Variants in SIPA1L1 observed in about 807,000 individuals in gnomAD.
The protein encoded by SIPA1L1 is signal induced proliferation associated 1 like 1.
A neutral mutation model predicts 162.7 loss-of-function variants in SIPA1L1; 26 were observed. The observed-to-expected ratio is 0.16, with a 90% CI of 0.12 to 0.22. The LOEUF is 0.22. Ranked by LOEUF, SIPA1L1 falls within the 10% of genes least tolerant of loss-of-function variation. The pLI, the probability that SIPA1L1 is intolerant of heterozygous loss-of-function variation, is 1.00. For missense variants in SIPA1L1, 1,874 were observed against 2,241.0 expected (o/e 0.84, Z 3.31); for synonymous variants, 829 against 837.4 (o/e 0.99, Z 0.17).
At chr14:71,469,082 T>A (rs548822068) in intron 2 of SIPA1L1, among the ~76,000 whole-genome samples, 2 of 151,956 alleles carry the variant, frequency 1.3e-5, no homozygotes, top group South Asian at 2.1e-4. Context: ...TCTGGAATGC[T>A]CTCTTCTTAA....
rs2053214264 is a variant in SIPA1L1, at chr14:71,529,385, A to G, written c.-303+15A>G. 1 of 650,878 alleles carries G rather than the reference A, an allele frequency of 1.5e-6. No individual in the cohort carries two copies. The highest frequency in any genetic ancestry group is 1.8e-5 in the South Asian group (1 of 57,124). The allele number at this position is 650,878 out of a possible 1,614,324, so 40.3% of individuals were successfully genotyped here. A position where few individuals can be genotyped will look rare whatever the true frequency, so the allele number is the denominator to read the frequency against. On this transcript the variant is annotated intron_variant, in intron 4 of 23. Coordinates refer to ENST00000381232, the MANE Select transcript of SIPA1L1 (RefSeq NM_001386936.1). ...ACAAGAATATAGTAAGTACTATGCC[A>G]TACTTCCTATGACCTACCTGCTTTA...
intron 4 of SIPA1L1, among the ~76,000 whole-genome samples, chr14:71,549,405 A>G (rs550735591): frequency 7.0e-4 from 106 of 152,188 alleles, no homozygotes; most frequent in African/African-American, 2.4e-3. Context: ...TATGTGAACC[A>G]AGTAATTCTG....
At chr14:71,354,462 A>AG (rs1298693167) in intron 2 of SIPA1L1, among the ~76,000 whole-genome samples, 5 of 151,704 alleles carry the variant, frequency 3.3e-5, no homozygotes, top group South Asian at 2.1e-4. Flanking sequence ...ATTTTTGTAG[A>AG]GGGGGGGTTT....
intron 2 of SIPA1L1, among the ~76,000 whole-genome samples, chr14:71,449,350 G>GT (rs2045643584): frequency 6.6e-6 from 1 of 152,146 alleles, no homozygotes; most frequent in African/African-American, 2.4e-5. Context: ...TTGGGCTTTT[G>GT]TTTTTTTCTC....
At chr14:71,670,995 C>CTT in intron 10 of SIPA1L1, 124 bp from the exon 11 acceptor site, 1 of 754,212 alleles carries the variant, frequency 1.3e-6, no homozygotes. Flanking sequence ...TGTTGTTTCT[C>CTT]ATGGAAAAAT....
rs762546142 is a variant in SIPA1L1, at chr14:71,685,555, G to T, written c.3298G>T (p.Gly1100Trp). The change falls in exon 13 of 24, where the codon GGG becomes TGG. Residue 1100 changes from glycine to tryptophan, a missense_variant. By Grantham distance (184) the Gly-to-Trp change is radical. Around this residue, in one of 5 missense-constraint regions of SIPA1L1, gnomAD observed 936 missense variants for 1,051.9 expected, o/e 0.89. Transcript: ENST00000381232. ...GCGGCTGAATGCTGGAAAAGGAGATGGGAAGATGCCTCCTCCAGAAAGAGC... is the reference window on the plus strand; with the variant it reads ...GCGGCTGAATGCTGGAAAAGGAGATTGGAAGATGCCTCCTCCAGAAAGAGC... The part of the protein sequence containing the change: ...TSRLNAGKGD[G>W]KMPPPERAAN... 1 of 1,614,040 alleles carries T rather than the reference G, an allele frequency of 6.2e-7. No individual in the cohort carries two copies.
At chr14:71,326,263 C>CA (rs1170794778) in intron 2 of SIPA1L1, among the ~76,000 whole-genome samples, 2 of 150,038 alleles carry the variant, frequency 1.3e-5, no homozygotes, top group African/African-American at 4.9e-5. Flanking sequence ...GGCTGGAGTG[C>CA]AGTGGCATGA....
chr14:71,407,014 G>A (rs2042071881), intron 2 of SIPA1L1, among the ~76,000 whole-genome samples: 1 of 152,164 alleles, frequency 6.6e-6, no homozygotes, highest in East Asian at 1.9e-4. Context: ...AGCCCAGGCA[G>A]CCAGATCACC....
chr14:71,361,945 G>C (rs1454455376), intron 2 of SIPA1L1, among the ~76,000 whole-genome samples: 1 of 152,210 alleles, frequency 6.6e-6, no homozygotes, highest in Non-Finnish European at 1.5e-5. Flanking sequence ...TCAGTTAAAT[G>C]CGTCACACTA....
In SIPA1L1 at chr14:71,457,888, TGCCCGGCCTGC is replaced by T. The variant is rs75513729; in HGVS notation, c.-464-54854_-464-54844del. 4.3e-3 allele frequency among the ~76,000 whole-genome samples: 650 copies of T among 152,276 alleles called. 1 individual carries two copies. The highest frequency in any genetic ancestry group is 0.014 in the Middle Eastern group (4 of 294). On this transcript the variant is annotated intron_variant, in intron 2 of 23. Transcript: ENST00000381232. ...CTGGGATTACAGGTGTGAGCCACCA[TGCCCGGCCTGC>T]AATGAACATTAAGTTGTAGGAGTTC...
chr14:71,739,006 T>A lies in SIPA1L1; in HGVS notation c.5209-12T>A. On this transcript the variant is annotated splice_polypyrimidine_tract_variant and intron_variant, in intron 23 of 23. Coordinates refer to ENST00000381232, the MANE Select transcript of SIPA1L1 (RefSeq NM_001386936.1). ...ACACCTCTTAGCTTTTCTACTTCAC[T>A]CTGCCTCCCAGGAAAAAGAAGACAA... 6.2e-7 allele frequency: 1 copy of A among 1,611,914 alleles called. No homozygotes were observed. Among genetic ancestry groups the A allele is most frequent in the Non-Finnish European group, 8.5e-7 (1 of 1,178,912 alleles).
In SIPA1L1 at chr14:71,588,300, C is replaced by T. The variant is rs148093652; in HGVS notation, c.428C>T (p.Thr143Ile). 426 of 1,613,816 alleles carry T rather than the reference C, an allele frequency of 2.6e-4. 3 individuals are homozygous for T. The highest frequency in any genetic ancestry group is 8.0e-5 in the Non-Finnish European group (94 of 1,180,000). ...ATACAGAACACGCTGAAAAACAAGA[C>T]AAGACCGTCGGAGAACATGGACTCC... Reference protein sequence around the residue: ...KSIQNTLKNKTRPSENMDSRF... With the variant: ...KSIQNTLKNKIRPSENMDSRF... The change falls in exon 5 of 24, where the codon ACA (threonine) becomes ATA (isoleucine). Residue 143 changes from threonine to isoleucine, a missense_variant. Physicochemically the swap from Thr to Ile is moderately conservative, Grantham distance 89 (BLOSUM62 -1). Transcript: ENST00000381232. The surrounding 1 kb of genome is among the most constrained non-coding windows in gnomAD (Gnocchi z 4.3).
chr14:71,349,543 A>AT (rs911924353), intron 2 of SIPA1L1, among the ~76,000 whole-genome samples: 20 of 151,906 alleles, frequency 1.3e-4, no homozygotes, highest in African/African-American at 1.9e-4. Flanking sequence ...AAGGAAATAG[A>AT]TTTTTTTTTC....
intron 2 of SIPA1L1, among the ~76,000 whole-genome samples, chr14:71,345,757 A>G (rs1452281642): frequency 6.6e-6 from 1 of 150,970 alleles, no homozygotes; most frequent in Non-Finnish European, 1.5e-5. Context: ...TTTAGTAGAG[A>G]CGGGGTTTCA....
At chr14:71,390,406 A>G (rs535440883) in intron 2 of SIPA1L1, among the ~76,000 whole-genome samples, 1 of 152,294 alleles carries the variant, frequency 6.6e-6, no homozygotes, top group African/African-American at 2.4e-5. Flanking sequence ...TGAACTTAAT[A>G]TTATGAGCAT....
At chr14:71,336,312 C>G (rs539491355) in intron 2 of SIPA1L1, among the ~76,000 whole-genome samples, 9 of 152,108 alleles carry the variant, frequency 5.9e-5, no homozygotes, top group Middle Eastern at 3.2e-3. Context: ...TTCATTACCC[C>G]GCAAAGAAAC....
chr14:71,459,668 G>A (rs772133525), intron 2 of SIPA1L1, among the ~76,000 whole-genome samples: 6 of 152,086 alleles, frequency 3.9e-5, no homozygotes, highest in African/African-American at 7.2e-5. Flanking sequence ...TCGCCTTTTC[G>A]TGTTTTTCTG....
chr14:71,660,897 C>T (rs903286666), intron 9 of SIPA1L1, among the ~76,000 whole-genome samples: 3 of 152,192 alleles, frequency 2.0e-5, no homozygotes, highest in African/African-American at 7.2e-5. Context: ...GCCACATTTT[C>T]TTTCAATGAG....
At chr14:71,576,264 C>T (rs191920187) in intron 4 of SIPA1L1, among the ~76,000 whole-genome samples, 2 of 152,324 alleles carry the variant, frequency 1.3e-5, no homozygotes, top group Admixed American at 1.3e-4. Flanking sequence ...GCTTAGGGAT[C>T]AGACTCTCGA....
Sources: gnomAD v4.1 joint callset for allele counts (sites outside exome capture counted in the v4.1 genomes callset) on GRCh38, gnomAD v4.1.1 for gene constraint, gnomAD v4.1.1 regional missense constraint, Gnocchi (gnomAD v3.1) non-coding constraint, MANE v1.5 for transcripts, NCBI Gene and HGNC (gene_info 2026-07-23, HGNC 2026-07-21) for gene names.